The following GXYLT2 variants were observed in gnomAD, a reference collection of about 807,000 sequenced individuals.
GXYLT2 encodes glycosyltransferase 8 domain containing 4.
GXYLT2 carries 53 observed loss-of-function variants against 45.8 expected under a neutral mutation model. The ratio of observed to expected loss-of-function variants is 1.16; its 90% CI spans 0.93 to 1.46. The LOEUF (loss-of-function observed/expected upper bound fraction) is 1.46. Ranked by LOEUF, GXYLT2 falls within the 40% of genes most tolerant of loss-of-function variation. The probability of loss-of-function intolerance (pLI) is 0.00; values close to 1 mark genes in which losing one functional copy is unlikely to be tolerated. For missense variants in GXYLT2, 551 were observed against 544.4 expected, an observed-to-expected ratio of 1.01 and a Z score of -0.12; for synonymous variants, 219 against 214.2, an observed-to-expected ratio of 1.02 and a Z score of -0.19.
intron 6 of GXYLT2, among the ~76,000 whole-genome samples, chr3:72,971,874 G>A (rs1439954690): frequency 4.0e-5 from 6 of 151,432 alleles, no homozygotes; most frequent in Non-Finnish European, 7.4e-5. Flanking sequence ...GCTTGAAACC[G>A]GGAGGCAGAG....
At chr3:72,894,919 C>A (rs924805815) in intron 1 of GXYLT2, among the ~76,000 whole-genome samples, 6 of 152,204 alleles carry the variant, frequency 3.9e-5, no homozygotes, top group African/African-American at 1.4e-4. Context: ...CCTGCCCAGC[C>A]CATTGCCACT....
chr3:72,899,471 C>G (rs535113516), intron 1 of GXYLT2, among the ~76,000 whole-genome samples: 3 of 152,282 alleles, frequency 2.0e-5, no homozygotes, highest in East Asian at 3.9e-4. Context: ...TGATTTAACT[C>G]GAAACCATGG....
At chr3:72,909,921 A>G (rs923376454) in intron 2 of GXYLT2, among the ~76,000 whole-genome samples, 3 of 152,178 alleles carry the variant, frequency 2.0e-5, no homozygotes, top group African/African-American at 7.2e-5. Flanking sequence ...GAGAAAGGCT[A>G]ATAATAGAAA....
intron 2 of GXYLT2, among the ~76,000 whole-genome samples, chr3:72,914,695 TGTG>T (rs1709702083): frequency 6.6e-6 from 1 of 151,956 alleles, no homozygotes; most frequent in Non-Finnish European, 1.5e-5. Flanking sequence ...CTGTGGCACT[TGTG>T]GTGACAGTAG....
chr3:72,956,221 A>G (rs1559748703), intron 4 of GXYLT2, among the ~76,000 whole-genome samples: 1 of 152,072 alleles, frequency 6.6e-6, no homozygotes, highest in Non-Finnish European at 1.5e-5. Flanking sequence ...ACCCTAAACA[A>G]CAGAGTGAGA....
intron 3 of GXYLT2, among the ~76,000 whole-genome samples, chr3:72,931,279 G>A (rs1225024745): frequency 6.6e-6 from 1 of 151,382 alleles, no homozygotes; most frequent in Non-Finnish European, 1.5e-5. Context: ...CCAGGCTGGA[G>A]TGCAGTGGCT....
intron 6 of GXYLT2, among the ~76,000 whole-genome samples, chr3:72,969,395 A>AC (rs1317972814): frequency 6.6e-6 from 1 of 150,932 alleles, no homozygotes; most frequent in Admixed American, 6.6e-5. Flanking sequence ...CCTGTCTCAA[A>AC]AAAAAAAAAA....
At chr3:72,930,433 C>T (rs924182916) in intron 3 of GXYLT2, among the ~76,000 whole-genome samples, 3 of 149,606 alleles carry the variant, frequency 2.0e-5, no homozygotes, top group Admixed American at 1.3e-4. Flanking sequence ...GCCCAGGAGG[C>T]GGAGATTGCA....
At chr3:72,971,297 T>C (rs539766058) in intron 6 of GXYLT2, among the ~76,000 whole-genome samples, 12 of 152,350 alleles carry the variant, frequency 7.9e-5, no homozygotes, top group Middle Eastern at 3.4e-3. Flanking sequence ...CCTGAAAATA[T>C]AGTTTTCATT....
chr3:72,969,707 G>A (rs1057382155), intron 6 of GXYLT2, among the ~76,000 whole-genome samples: 4 of 152,020 alleles, frequency 2.6e-5, no homozygotes, highest in Non-Finnish European at 5.9e-5. Flanking sequence ...AGGACATATG[G>A]TCTACAGAGT....
chr3:72,915,354 T>TTTC (rs71126805), intron 2 of GXYLT2, among the ~76,000 whole-genome samples: 13 of 33,476 alleles, frequency 3.9e-4, no homozygotes, highest in Non-Finnish European at 5.1e-4. Flanking sequence ...TTTTTTTTTT[T>TTTC]GCGGGGGGGG....
intron 2 of GXYLT2, among the ~76,000 whole-genome samples, chr3:72,912,036 C>T (rs551716103): frequency 5.0e-5 from 6 of 120,378 alleles, no homozygotes; most frequent in African/African-American, 2.1e-4. Flanking sequence ...TTTGAGACAG[C>T]GTCTCGCTCT....
At chr3:72,969,663 G>A (rs927477809) in intron 6 of GXYLT2, among the ~76,000 whole-genome samples, 2 of 151,898 alleles carry the variant, frequency 1.3e-5, no homozygotes, top group Admixed American at 1.3e-4. Flanking sequence ...TGGTTATGTT[G>A]GCACTATAAT....
intron 2 of GXYLT2, among the ~76,000 whole-genome samples, chr3:72,920,818 AT>A (rs11314689): frequency 0.2 from 27,296 of 137,738 alleles, 4,265 homozygotes; most frequent in African/African-American, 0.45. Context: ...ATATATATGT[AT>A]TTTTTTTTTT....
At chr3:72,933,434 C>T (rs544889097) in intron 3 of GXYLT2, among the ~76,000 whole-genome samples, 6 of 152,092 alleles carry the variant, frequency 3.9e-5, no homozygotes, top group South Asian at 4.1e-4. Context: ...ATATTTCTTA[C>T]GAAGCCTAGT....
At chr3:72,906,410 T>C (rs1709511077) in intron 1 of GXYLT2, among the ~76,000 whole-genome samples, 1 of 152,166 alleles carries the variant, frequency 6.6e-6, no homozygotes, top group Non-Finnish European at 1.5e-5. Flanking sequence ...CTGTAGGGAA[T>C]ATACTGCCCC....
intron 3 of GXYLT2, among the ~76,000 whole-genome samples, chr3:72,952,649 G>C (rs986017073): frequency 6.6e-6 from 1 of 152,146 alleles, no homozygotes; most frequent in Non-Finnish European, 1.5e-5. Context: ...AGCATGGTCA[G>C]GTTGTGGTGA....
At chr3:72,960,141 C>T (rs764423850) in intron 5 of GXYLT2, among the ~76,000 whole-genome samples, 4 of 152,082 alleles carry the variant, frequency 2.6e-5, no homozygotes, top group East Asian at 3.9e-4. Context: ...TATAGGCATC[C>T]GCCACCATGC....
intron 1 of GXYLT2, among the ~76,000 whole-genome samples, chr3:72,890,341 T>TG (rs558465697): frequency 6.6e-6 from 1 of 152,222 alleles, no homozygotes; most frequent in Non-Finnish European, 1.5e-5. Context: ...TCAGAAGCTT[T>TG]GGGGGGTCAG....
Sources: allele counts gnomAD v4.1 joint callset (sites outside exome capture counted in the v4.1 genomes callset), GRCh38; gene constraint gnomAD v4.1.1; transcripts MANE v1.5; gene names NCBI Gene and HGNC (gene_info 2026-07-23, HGNC 2026-07-21).